The following ARHGAP29 variants were observed in gnomAD, a reference collection of about 807,000 sequenced individuals.
The protein encoded by ARHGAP29 is Rho GTPase activating protein 29, also known as rho GTPase-activating protein 29.
Under a neutral mutation model 122.6 loss-of-function variants are expected in ARHGAP29, and 43 were observed. The ratio of observed to expected loss-of-function variants is 0.35; its 90% CI spans 0.27 to 0.45. ARHGAP29 has a LOEUF of 0.45. ARHGAP29 is among the 20% of genes least tolerant of loss of function. The pLI is 1.00. For synonymous variants in ARHGAP29, 506 were observed against 497.1 expected (o/e 1.02, Z -0.24); for missense variants, 1,303 against 1,477.2 (o/e 0.88, Z 1.93).
chr1:94,179,605 AAAAAAAAAAAAAAG>A (rs1190290779), intron 20 of ARHGAP29, 106 bp downstream of exon 20: 5 of 612,432 alleles, frequency 8.2e-6, no homozygotes, highest in Non-Finnish European at 1.3e-5. Flanking sequence ...AAAAAAAAAA[AAAAAAAAAAAAAAG>A]AATGGCTAAG....
intron 1 of ARHGAP29, among the ~76,000 whole-genome samples, chr1:94,266,846 C>T (rs1016339017): frequency 6.6e-6 from 1 of 152,188 alleles, no homozygotes; most frequent in Non-Finnish European, 1.5e-5. Flanking sequence ...GAAAACCAAT[C>T]ATTATCTCCT....
At chr1:94,270,340 G>C (rs1463287589) in intron 1 of ARHGAP29, among the ~76,000 whole-genome samples, 1 of 152,202 alleles carries the variant, frequency 6.6e-6, no homozygotes, top group Non-Finnish European at 1.5e-5. Context: ...AGAGTCTGAT[G>C]AGCCTTTTGG....
intron 1 of ARHGAP29, among the ~76,000 whole-genome samples, chr1:94,259,495 T>C (rs1365880496): frequency 1.3e-5 from 2 of 152,206 alleles, no homozygotes; most frequent in Non-Finnish European, 2.9e-5. Context: ...AATGAGGTCA[T>C]AGTGGATTAG....
chr1:94,189,350 T>C lies in ARHGAP29; in HGVS notation c.1442A>G (p.Asn481Ser). ...GGAACTATTTAAATGTTTATTTACA[T>C]TTCTGAAACAACAACAATGACAAAA... ...NSTEEEKVDGNVNKHLNSSQP... is the reference protein window; with the variant it reads ...NSTEEEKVDGSVNKHLNSSQP... Residue 481 changes from asparagine to serine, a missense_variant and splice_region_variant, in exon 14 of 23, where the codon AAT becomes AGT. Physicochemically the swap from Asn to Ser is conservative, Grantham distance 46. This residue lies in a region of ARHGAP29 where 592 missense variants were observed against 648.2 expected (regional missense o/e 0.91). Transcript: ENST00000260526. 4 of 1,604,846 alleles carry C rather than the reference T, an allele frequency of 2.5e-6. No homozygotes were observed. Among genetic ancestry groups the C allele is most frequent in the African/African-American group, 1.3e-5 (1 of 74,564 alleles).
the ARHGAP29 span, among the ~76,000 whole-genome samples, chr1:94,313,190 C>A: frequency 6.6e-6 from 1 of 152,200 alleles, no homozygotes; most frequent in African/African-American, 2.4e-5. Context: ...CTTCCTCCTG[C>A]TGCTCCTTGC....
intron 1 of ARHGAP29, among the ~76,000 whole-genome samples, chr1:94,236,584 G>A (rs1653278015): frequency 2.0e-5 from 3 of 152,128 alleles, no homozygotes; most frequent in Admixed American, 6.5e-5. Flanking sequence ...AATACCCTCT[G>A]AGAAAGTTTT....
At chr1:94,238,709 C>T (rs1490057630), upstream of ARHGAP29, among the ~76,000 whole-genome samples, 1 of 151,752 alleles carries the variant, frequency 6.6e-6, no homozygotes, top group East Asian at 1.9e-4. Flanking sequence ...GGAAGAAAAC[C>T]AAGGAAGGCA....
chr1:94,191,365 C>G (rs1007210805), intron 12 of ARHGAP29: 2 of 152,170 alleles, frequency 1.3e-5, no homozygotes, highest in Non-Finnish European at 2.9e-5. Context: ...TCCTCTTCAT[C>G]TCTCTTGATA....
At chr1:94,188,282 T>TA (rs1649932506) in intron 15 of ARHGAP29, among the ~76,000 whole-genome samples, 1 of 152,082 alleles carries the variant, frequency 6.6e-6, no homozygotes, top group Non-Finnish European at 1.5e-5. Flanking sequence ...AGCACATTTG[T>TA]AAAAAATTAA....
chr1:94,233,287 C>G (rs1653040455), intron 1 of ARHGAP29, among the ~76,000 whole-genome samples: 1 of 151,996 alleles, frequency 6.6e-6, no homozygotes, highest in Non-Finnish European at 1.5e-5. Context: ...CGTTTCTAGT[C>G]ATATGTAAGA....
At chr1:94,294,553 T>C in the ARHGAP29 span, among the ~76,000 whole-genome samples, 3 of 152,206 alleles carry the variant, frequency 2.0e-5, no homozygotes, top group African/African-American at 7.2e-5. Context: ...CCCAAAGTAC[T>C]GGGATTACAG....
chr1:94,204,732 C>T (rs551917260), intron 7 of ARHGAP29, among the ~76,000 whole-genome samples: 5 of 152,262 alleles, frequency 3.3e-5, no homozygotes, highest in African/African-American at 1.2e-4. Context: ...TTCTCTGTTT[C>T]CATTGCCTTC....
chr1:94,171,610 C>T lies in ARHGAP29; in HGVS notation c.*2259G>A, dbSNP rs770720749. ...CAACACAGTGCACACTGTGGATCCT[C>T]TAGAAATAGCAACCTCTTCTCAAGA... is the stretch of plus-strand genomic sequence containing the variant. On this transcript the variant is annotated 3_prime_UTR_variant, in exon 23 of 23. Coordinates refer to ENST00000260526, the MANE Select transcript of ARHGAP29 (RefSeq NM_004815.4). 3 of 152,190 alleles carry T rather than the reference C, an allele frequency of 2.0e-5. No individual in the cohort carries two copies. Among genetic ancestry groups the T allele is most frequent in the Non-Finnish European group, 4.4e-5 (3 of 68,048 alleles). The allele number at this position is 152,190 out of a possible 1,614,324, so 9.4% of individuals were successfully genotyped here.
In ARHGAP29 at chr1:94,201,815, C is replaced by T; in HGVS notation, c.1186G>A (p.Val396Ile). ...NELYKVCVTNVEERRNDLENT... is the reference protein window; with the variant it reads ...NELYKVCVTNIEERRNDLENT... The stretch of plus-strand genomic sequence containing the variant: ...TCTAGATCATTTCTTCTTTCTTCAA[C>T]ATTTGTCACACAAACTTTGTAAAGT... The change falls in exon 12 of 23, where the codon GTT becomes ATT. Residue 396 changes from valine to isoleucine, a missense_variant. Transcript: ENST00000260526. 6.2e-7 allele frequency: 1 copy of T among 1,612,942 alleles called. No individual in the cohort carries two copies. The highest frequency in any genetic ancestry group is 1.1e-5 in the South Asian group (1 of 90,860).
intron 3 of ARHGAP29, among the ~76,000 whole-genome samples, chr1:94,214,720 C>T (rs1651850442): frequency 2.0e-5 from 3 of 152,110 alleles, no homozygotes; most frequent in Admixed American, 6.5e-5. Context: ...AAATAATTGT[C>T]TCCCTTGGGT....
In ARHGAP29 at chr1:94,180,711, C is replaced by T. The variant is rs142532964; in HGVS notation, c.2248-754G>A. Among the ~76,000 whole-genome samples the T allele has an allele frequency of 1.6e-3, 242 of 152,260 alleles. 3 individuals are homozygous for T. The highest frequency in any genetic ancestry group is 5.4e-3 in the African/African-American group (226 of 41,542). ...TGGGATCTGAAGGAAGTCACTTAAC[C>T]TCTTGGAGCTGCAGATTTCCTGCAC... On this transcript the variant is annotated intron_variant, in intron 19 of 22. Transcript: ENST00000260526.
chr1:94,210,186 T>C (rs1056413946), intron 3 of ARHGAP29, among the ~76,000 whole-genome samples: 2 of 152,136 alleles, frequency 1.3e-5, no homozygotes, highest in Non-Finnish European at 2.9e-5. Context: ...GTATAAAGAG[T>C]AACTGGTTCC....
At chr1:94,251,650 C>A (rs1466667630) in intron 1 of ARHGAP29, among the ~76,000 whole-genome samples, 1 of 152,176 alleles carries the variant, frequency 6.6e-6, no homozygotes, top group Non-Finnish European at 1.5e-5. Context: ...CCTTTTGCCT[C>A]AGGACTTTTG....
intron 1 of ARHGAP29, among the ~76,000 whole-genome samples, chr1:94,269,492 G>A (rs944966656): frequency 6.6e-6 from 1 of 152,134 alleles, no homozygotes; most frequent in Admixed American, 6.6e-5. Context: ...TTCAGGATAG[G>A]ACCATCCATT....
Sources: allele counts gnomAD v4.1 joint callset (sites outside exome capture counted in the v4.1 genomes callset), GRCh38; gene constraint gnomAD v4.1.1; regional missense constraint gnomAD v4.1.1; transcripts MANE v1.5; gene names NCBI Gene and HGNC (gene_info 2026-07-23, HGNC 2026-07-21).